Variants in CDH23 observed in about 807,000 individuals in gnomAD.
The protein encoded by CDH23 is cadherin-23.
Under a neutral mutation model 317.1 loss-of-function variants are expected in CDH23, and 189 were observed. That is an observed-to-expected ratio of 0.60 (90% CI 0.53 to 0.67). CDH23 has a LOEUF of 0.67. CDH23 is among the 30% of genes least tolerant of loss of function. CDH23 has a pLI of 0.00. For missense variants in CDH23, 4,401 were observed against 4,592.4 expected, an observed-to-expected ratio of 0.96 and a Z score of 1.20; for synonymous variants, 1,839 against 1,876.8, an observed-to-expected ratio of 0.98 and a Z score of 0.52.
chr10:71,626,645 A>G (rs74145210), intron 11 of CDH23, among the ~76,000 whole-genome samples: 310 of 152,290 alleles, frequency 2.0e-3, no homozygotes, highest in African/African-American at 7.2e-3. Flanking sequence ...CTCCTAAGCA[A>G]CTTGAATTAA....
chr10:71,789,891 G>GTA (rs1841196963), intron 45 of CDH23, among the ~76,000 whole-genome samples: 1 of 152,226 alleles, frequency 6.6e-6, no homozygotes, highest in Non-Finnish European at 1.5e-5. Context: ...TTCTAGTCAT[G>GTA]TATGGCCAGG....
chr10:71,619,092 T>C (rs1250914842), intron 11 of CDH23, among the ~76,000 whole-genome samples: 1 of 152,134 alleles, frequency 6.6e-6, no homozygotes, highest in Non-Finnish European at 1.5e-5. Flanking sequence ...CCCAACACTT[T>C]GGGAGGCCGA....
At chr10:71,695,740 G>C (rs962177394) in intron 22 of CDH23, among the ~76,000 whole-genome samples, 2 of 152,366 alleles carry the variant, frequency 1.3e-5, no homozygotes, top group South Asian at 2.1e-4. Context: ...GTGTCAGTAG[G>C]CCTCAGGCTT....
chr10:71,535,786 A>G (rs1855668223), intron 6 of CDH23, among the ~76,000 whole-genome samples: 1 of 152,198 alleles, frequency 6.6e-6, no homozygotes, highest in South Asian at 2.1e-4. Context: ...ATGTGCCCTG[A>G]GGACATGAGG....
At chr10:71,459,827 G>A (rs769712939) in intron 3 of CDH23, among the ~76,000 whole-genome samples, 1 of 152,202 alleles carries the variant, frequency 6.6e-6, no homozygotes, top group Non-Finnish European at 1.5e-5. Context: ...GAGGCAGCCT[G>A]TTCTTCTTCA....
At position 71,807,644 on chromosome 10, in the gene CDH23, C is replaced by T. The variant is rs537251448; in HGVS notation, c.8437C>T (p.Pro2813Ser). The change falls in exon 59 of 70, where the codon CCT becomes TCT. Residue 2813 changes from proline to serine, a missense_variant. Pro to Ser is a moderately conservative substitution (Grantham distance 74). Around this residue, in one of 3 missense-constraint regions of CDH23, gnomAD observed 1,144 missense variants for 1,138.2 expected, o/e 1.01. Coordinates refer to ENST00000224721, the MANE Select transcript of CDH23 (RefSeq NM_022124.6). The part of the protein sequence containing the change: ...VKASSNRSWT[P>S]PRGPSPTLDL... ...GGCCTCCAGCAATCGCAGCTGGACA[C>T]CTCCCCGTGGACCCTCCCCAACCCT... 20 of 1,613,976 alleles carry T rather than the reference C, an allele frequency of 1.2e-5. No homozygotes were observed. In the Admixed American group the frequency reaches 2.7e-4, roughly 22 times the overall value.
At chr10:71,574,553 C>T (rs1164986148) in intron 8 of CDH23, among the ~76,000 whole-genome samples, 1 of 152,204 alleles carries the variant, frequency 6.6e-6, no homozygotes, top group Non-Finnish European at 1.5e-5. Context: ...ACGCCTCCTA[C>T]TCCTGAAGCA....
rs369199484 is a variant in CDH23, at chr10:71,567,003, G to T, written c.624+67G>T. ...TTCCCACCCTGGAAGAGAGTGACGG[G>T]GCATTCCAATGGGACATTGACCCAG... is the stretch of plus-strand genomic sequence containing the variant. On this transcript the variant is annotated intron_variant, in intron 7 of 69. Transcript: ENST00000224721. 7.0e-4 allele frequency: 1,029 copies of T among 1,459,858 alleles called. 5 individuals are homozygous for T. The highest frequency in any genetic ancestry group is 5.9e-3 in the Middle Eastern group (34 of 5,726). 90.4% of individuals were successfully genotyped at this position (1,459,858 alleles called of 1,614,324 possible).
rs1480488334 is a variant in CDH23 at position 71,399,030 on chromosome 10, C to T, written c.-6+1712C>T. Among the ~76,000 whole-genome samples, 4 of 152,320 alleles carry T rather than the reference C, an allele frequency of 2.6e-5. No individual in the cohort carries two copies. The East Asian group carries it at 5.8e-4, about 22-fold the overall frequency. On this transcript the variant is annotated intron_variant, in intron 1 of 69. Coordinates refer to ENST00000224721, the MANE Select transcript of CDH23 (RefSeq NM_022124.6). ...GGGCTTGATTTGAGGGTTGTGATAG[C>T]AGATGGTCCTGGTTGCCTCTGGAAT...
At chr10:71,598,423 G>A (rs1860000409) in intron 9 of CDH23, among the ~76,000 whole-genome samples, 1 of 152,226 alleles carries the variant, frequency 6.6e-6, no homozygotes, top group African/African-American at 2.4e-5. Context: ...TCTGTAGCAG[G>A]ACCCTTTGCT....
At chr10:71,718,431 T>G (rs1380279540) in intron 28 of CDH23, among the ~76,000 whole-genome samples, 1 of 145,746 alleles carries the variant, frequency 6.9e-6, no homozygotes, top group East Asian at 2.1e-4. Context: ...GGCTGGAAAG[T>G]GTGATGCCCG....
chr10:71,451,130 G>T (rs1850421527), intron 3 of CDH23, among the ~76,000 whole-genome samples: 1 of 151,896 alleles, frequency 6.6e-6, no homozygotes, highest in South Asian at 2.1e-4. Flanking sequence ...ATCCCTTAGG[G>T]CATCCTGTTG....
In CDH23 at chr10:71,799,533, G is replaced by C; in HGVS notation, c.7266G>C (p.Leu2422=). The C allele has an allele frequency of 6.2e-7, 1 of 1,614,052 alleles. No homozygotes were observed. The highest frequency in any genetic ancestry group is 8.5e-7 in the Non-Finnish European group (1 of 1,179,900). ...ATGTGCCTGTGGGCACAATCATCCT[G>C]ACAGTCACTGCCACTGATGCTGACT... is the stretch of plus-strand genomic sequence containing the variant. ...FEDVPVGTII[L]TVTATDADSG... is the part of the protein sequence containing the mutation. Residue 2422 remains leucine (L), a synonymous_variant, in exon 52 of 70, where the codon CTG becomes CTC. Transcript: ENST00000224721.
chr10:71,478,566 C>T (rs1310446652), intron 3 of CDH23, among the ~76,000 whole-genome samples: 1 of 152,250 alleles, frequency 6.6e-6, no homozygotes, highest in Non-Finnish European at 1.5e-5. Context: ...GCAATTTCTG[C>T]TGCATCTGGT....
intron 22 of CDH23, among the ~76,000 whole-genome samples, chr10:71,696,489 G>C (rs556753357): frequency 1.3e-5 from 2 of 152,362 alleles, no homozygotes; most frequent in African/African-American, 4.8e-5. Flanking sequence ...CCCAAAGCTA[G>C]TAAAGGGTGC....
chr10:71,764,236 G>A (rs974334837), intron 38 of CDH23, among the ~76,000 whole-genome samples: 13 of 152,112 alleles, frequency 8.5e-5, no homozygotes, highest in African/African-American at 3.1e-4. Flanking sequence ...TGTGCACTAC[G>A]CTAAGGGTTT....
chr10:71,492,731 G>A (rs1852732436), intron 3 of CDH23, among the ~76,000 whole-genome samples: 1 of 151,836 alleles, frequency 6.6e-6, no homozygotes, highest in African/African-American at 2.4e-5. Flanking sequence ...ACAGGTCAGA[G>A]TTCCTGCCTT....
chr10:71,759,020 C>A (rs1308996037), intron 38 of CDH23, among the ~76,000 whole-genome samples: 1 of 151,904 alleles, frequency 6.6e-6, no homozygotes, highest in Non-Finnish European at 1.5e-5. Context: ...CAGATGCCTG[C>A]CACCATGCCA....
At chr10:71,514,055 T>G (rs1442443000) in intron 6 of CDH23, among the ~76,000 whole-genome samples, 1 of 151,984 alleles carries the variant, frequency 6.6e-6, no homozygotes, top group African/African-American at 2.4e-5. Flanking sequence ...CACACACCCA[T>G]GCACACACAG....
Sources: gnomAD v4.1 joint callset for allele counts (sites outside exome capture counted in the v4.1 genomes callset) on GRCh38, gnomAD v4.1.1 for gene constraint, gnomAD v4.1.1 regional missense constraint, MANE v1.5 for transcripts, NCBI Gene and HGNC (gene_info 2026-07-23, HGNC 2026-07-21) for gene names.